SDK2: variants seen among roughly 807,000 people sequenced by gnomAD.
SDK2 encodes the protein protein sidekick-2.
Under a neutral mutation model 253.9 loss-of-function variants are expected in SDK2, and 105 were observed. The observed-to-expected ratio is 0.41, with a 90% CI of 0.35 to 0.49. The LOEUF is 0.49. Ranked by LOEUF, SDK2 falls within the 20% of genes least tolerant of loss-of-function variation. The pLI, the probability that SDK2 is intolerant of heterozygous loss-of-function variation, is 0.06. For synonymous variants in SDK2, 1,249 were observed against 1,234.9 expected, an observed-to-expected ratio of 1.01 and a Z score of -0.24; for missense variants, 2,608 against 3,003.0, an observed-to-expected ratio of 0.87 and a Z score of 3.07.
intron 40 of SDK2, among the ~76,000 whole-genome samples, chr17:73,355,487 G>A (rs1242489824): frequency 4.0e-5 from 6 of 151,820 alleles, no homozygotes; most frequent in Non-Finnish European, 8.8e-5. Context: ...ACAGGCACAC[G>A]CCACCAAGCC....
chr17:73,549,196 G>C (rs760525586), intron 1 of SDK2, among the ~76,000 whole-genome samples: 1 of 152,204 alleles, frequency 6.6e-6, no homozygotes, highest in Non-Finnish European at 1.5e-5. Flanking sequence ...CAGAGAAGCC[G>C]GAGTGAGGAG....
chr17:73,507,691 C>T, intron 1 of SDK2, 94 bp from the exon 2 acceptor site: 1 of 1,299,646 alleles, frequency 7.7e-7, no homozygotes. Flanking sequence ...GCAGATGGAG[C>T]AGGTGCAGCC....
At chr17:73,572,292 T>C (rs1370096483) in intron 1 of SDK2, among the ~76,000 whole-genome samples, 2 of 152,162 alleles carry the variant, frequency 1.3e-5, no homozygotes, top group Non-Finnish European at 2.9e-5. Context: ...CACTTTGTCC[T>C]ATCCCCTACC....
intron 18 of SDK2, among the ~76,000 whole-genome samples, chr17:73,404,783 G>A (rs981412688): frequency 6.6e-6 from 1 of 152,142 alleles, no homozygotes; most frequent in Non-Finnish European, 1.5e-5. Context: ...GAGAAGGCTC[G>A]GGTGTGTTCT....
rs1008413319 is a variant in SDK2, at chr17:73,455,413, T to C, written c.479+493A>G. Among the ~76,000 whole-genome samples, 1 of 152,098 alleles carries C rather than the reference T, an allele frequency of 6.6e-6. No individual in the cohort carries two copies. Among genetic ancestry groups the C allele is most frequent in the Admixed American group, 6.5e-5 (1 of 15,274 alleles). ...ACACTCAGAGGCCTGTGTGTTTCTCTGCCCAGGGCTTCCCTGGCCACACCT... is the reference window on the plus strand; with the variant it reads ...ACACTCAGAGGCCTGTGTGTTTCTCCGCCCAGGGCTTCCCTGGCCACACCT... On this transcript the variant is annotated intron_variant, in intron 4 of 44. Transcript: ENST00000392650. The surrounding 1 kb of genome is among the most constrained non-coding windows in gnomAD (Gnocchi z 5.0).
At chr17:73,595,329 T>C (rs1245478686) in intron 1 of SDK2, among the ~76,000 whole-genome samples, 1 of 152,076 alleles carries the variant, frequency 6.6e-6, no homozygotes, top group African/African-American at 2.4e-5. Context: ...AGGTAATGAA[T>C]GCCGTTTGTG....
At chr17:73,460,450 A>G (rs2063556113) in intron 3 of SDK2, among the ~76,000 whole-genome samples, 1 of 152,260 alleles carries the variant, frequency 6.6e-6, no homozygotes, top group South Asian at 2.1e-4. Context: ...TGTGAACATG[A>G]TAAATGATTG....
intron 1 of SDK2, among the ~76,000 whole-genome samples, chr17:73,549,314 G>T (rs1235892001): frequency 6.6e-6 from 1 of 152,294 alleles, no homozygotes; most frequent in Non-Finnish European, 1.5e-5. Flanking sequence ...GCTGCTCACT[G>T]TTGAAGAAAG....
chr17:73,548,050 C>T (rs889733433), intron 1 of SDK2, among the ~76,000 whole-genome samples: 7 of 152,156 alleles, frequency 4.6e-5, no homozygotes, highest in African/African-American at 1.4e-4. Context: ...CTCACTATTA[C>T]GAGAACGGCG....
chr17:73,590,223 GC>G (rs1220480698), intron 1 of SDK2, among the ~76,000 whole-genome samples: 1 of 152,226 alleles, frequency 6.6e-6, no homozygotes, highest in African/African-American at 2.4e-5. Flanking sequence ...GAAAGGTACG[GC>G]TGGACCAGAG....
At chr17:73,392,940 C>T (rs1017367082) in intron 27 of SDK2, among the ~76,000 whole-genome samples, 1 of 152,050 alleles carries the variant, frequency 6.6e-6, no homozygotes, top group Non-Finnish European at 1.5e-5. Flanking sequence ...GAACCTGCTC[C>T]AGTTGAAAAA....
chr17:73,409,853 G>C (rs75789851), intron 18 of SDK2, among the ~76,000 whole-genome samples: 1 of 151,856 alleles, frequency 6.6e-6, no homozygotes, highest in Admixed American at 6.6e-5. Flanking sequence ...GTCTGTCTCT[G>C]TCTCTCTCTT....
rs1461657944 is a variant in SDK2, at chr17:73,570,572, C to T, written c.65-62975G>A. Among the ~76,000 whole-genome samples the T allele has an allele frequency of 6.6e-6, 1 of 152,150 alleles. No individual in the cohort carries two copies. The highest frequency in any genetic ancestry group is 1.9e-4 in the East Asian group (1 of 5,196). On this transcript the variant is annotated intron_variant, in intron 1 of 44. Coordinates refer to ENST00000392650, the MANE Select transcript of SDK2 (RefSeq NM_001144952.2). This position sits in a 1 kb window ranked among gnomAD's most constrained non-coding sequence, Gnocchi z 4.2. ...TGATGGTGGTGATGTTGCCACCTTCCACTGAGCGCTGACTACCCGTGAGGC... is the reference window on the plus strand; with the variant it reads ...TGATGGTGGTGATGTTGCCACCTTCTACTGAGCGCTGACTACCCGTGAGGC...
chr17:73,438,476 A>G (rs940051541), intron 6 of SDK2, among the ~76,000 whole-genome samples: 2 of 152,302 alleles, frequency 1.3e-5, no homozygotes, highest in Non-Finnish European at 2.9e-5. Flanking sequence ...CAAAGCAGGA[A>G]AGCAGCCTGG....
intron 1 of SDK2, among the ~76,000 whole-genome samples, chr17:73,561,545 T>G (rs1278223722): frequency 6.6e-6 from 1 of 152,210 alleles, no homozygotes; most frequent in Non-Finnish European, 1.5e-5. Flanking sequence ...CTAGGAGACA[T>G]GACACAGGGT....
At chr17:73,367,169 C>T (rs2062692304) in intron 37 of SDK2, among the ~76,000 whole-genome samples, 1 of 151,906 alleles carries the variant, frequency 6.6e-6, no homozygotes, top group African/African-American at 2.4e-5. Context: ...CCATGCCCAG[C>T]TAATTTTTGT....
Position 73,393,556 on chromosome 17 carries a change from T to C in SDK2, c.3898+4A>G. On this transcript the variant is annotated splice_donor_region_variant and intron_variant, in intron 27 of 44. Coordinates refer to ENST00000392650, the MANE Select transcript of SDK2 (RefSeq NM_001144952.2). The stretch of plus-strand genomic sequence containing the variant: ...TCCCCAAGCTTGCTGGGATACGGAC[T>C]CACCATCATCCAGCGTCCGCTCCAG... The C allele has an allele frequency of 6.5e-7, 1 of 1,548,766 alleles. No homozygotes were observed. Among genetic ancestry groups the C allele is most frequent in the Non-Finnish European group, 8.8e-7 (1 of 1,138,544 alleles).
At position 73,412,054 on chromosome 17, in the gene SDK2, G is replaced by GTA; in HGVS notation, c.2484+2588_2484+2589dup. 6.3e-4 allele frequency among the ~76,000 whole-genome samples: 3 copies of GTA among 4,732 alleles called. 1 individual carries two copies. The highest frequency in any genetic ancestry group is 0.2 in the Middle Eastern group (2 of 10). 3.1% of individuals were successfully genotyped at this position (4,732 alleles called of 152,430 possible). On this transcript the variant is annotated intron_variant, in intron 18 of 44. Transcript: ENST00000392650. Reference sequence around the variant, plus strand: ...TATATACGTATATATATGTATATACGTATATGTATATATACGTATATATGT... The same window carrying GTA: ...TATATACGTATATATATGTATATACGTATATATGTATATATACGTATATATGT...
chr17:73,422,792 C>A (rs760144365), intron 14 of SDK2, among the ~76,000 whole-genome samples: 9 of 152,034 alleles, frequency 5.9e-5, no homozygotes, highest in African/African-American at 2.2e-4. Context: ...GAGGCTGAGG[C>A]GGGCAGATCA....
Sources: gnomAD v4.1 joint callset for allele counts (sites outside exome capture counted in the v4.1 genomes callset) on GRCh38, gnomAD v4.1.1 for gene constraint, Gnocchi (gnomAD v3.1) non-coding constraint, MANE v1.5 for transcripts, NCBI Gene and HGNC (gene_info 2026-07-23, HGNC 2026-07-21) for gene names.